The following GRIA1 variants were observed in gnomAD, a reference collection of about 807,000 sequenced individuals.
The protein encoded by GRIA1 is glutamate ionotropic receptor AMPA type subunit 1.
GRIA1 carries 31 observed loss-of-function variants against 99.2 expected under a neutral mutation model. The ratio of observed to expected loss-of-function variants is 0.31; its 90% confidence interval spans 0.23 to 0.42. The LOEUF (loss-of-function observed/expected upper bound fraction) is 0.42. Among genes scored for constraint, GRIA1 ranks in the 10% least tolerant of loss-of-function variants. The pLI, the probability that GRIA1 is intolerant of heterozygous loss-of-function variation, is 1.00. For synonymous variants in GRIA1, 438 were observed against 432.4 expected (o/e 1.01, Z -0.16); for missense variants, 782 against 1,157.5 (o/e 0.68, Z 4.71).
chr5:153,711,375 G>A (rs1270094289), intron 11 of GRIA1, among the ~76,000 whole-genome samples: 1 of 152,270 alleles, frequency 6.6e-6, no homozygotes, highest in African/African-American at 2.4e-5. Context: ...CATCGACATG[G>A]ATTTATGGTT....
At chr5:153,555,081 T>G (rs1293724302) in intron 2 of GRIA1, among the ~76,000 whole-genome samples, 5 of 152,142 alleles carry the variant, frequency 3.3e-5, no homozygotes, top group African/African-American at 1.2e-4. Context: ...GTAGGCATTT[T>G]CTTAGCATAC....
intron 5 of GRIA1, among the ~76,000 whole-genome samples, chr5:153,662,790 C>T (rs1280308509): frequency 6.6e-6 from 1 of 152,110 alleles, no homozygotes. Context: ...CACAATGTGC[C>T]CATATGCCTC....
intron 11 of GRIA1, among the ~76,000 whole-genome samples, chr5:153,740,966 C>CTTTTTTTTTTT (rs10601141): frequency 1.3e-5 from 1 of 76,782 alleles, no homozygotes; most frequent in Admixed American, 1.9e-4. Context: ...AAGAAATTGG[C>CTTTTTTTTTTT]TTTTTTTTTT....
chr5:153,504,388 TTTA>T (rs1291286244), intron 2 of GRIA1, among the ~76,000 whole-genome samples: 1 of 151,782 alleles, frequency 6.6e-6, no homozygotes, highest in Non-Finnish European at 1.5e-5. Flanking sequence ...TGTAAATGTA[TTTA>T]TTGTCTATTT....
intron 2 of GRIA1, among the ~76,000 whole-genome samples, chr5:153,553,242 A>G (rs17518292): frequency 0.05 from 7,646 of 152,322 alleles, 266 homozygotes; most frequent in Non-Finnish European, 0.076. Flanking sequence ...TTCCCATTTT[A>G]TGATGGTAGA....
At chr5:153,599,988 G>A (rs1337211504) in intron 2 of GRIA1, among the ~76,000 whole-genome samples, 1 of 152,104 alleles carries the variant, frequency 6.6e-6, no homozygotes, top group Non-Finnish European at 1.5e-5. Flanking sequence ...GCAGGGAGAT[G>A]AAGCCCGCTA....
intron 12 of GRIA1, among the ~76,000 whole-genome samples, chr5:153,767,248 G>T (rs929304230): frequency 6.6e-6 from 1 of 152,160 alleles, no homozygotes; most frequent in African/African-American, 2.4e-5. Flanking sequence ...AATCTCCACG[G>T]CAACACTGTG....
At chr5:153,770,092 T>C (rs1232276016) in intron 12 of GRIA1, 76 bp from the exon 13 acceptor site, 2 of 1,445,822 alleles carry the variant, frequency 1.4e-6, no homozygotes, top group Non-Finnish European at 1.9e-6. Context: ...CAAGCTACAC[T>C]CAGCTCTTCA....
intron 11 of GRIA1, among the ~76,000 whole-genome samples, chr5:153,721,721 T>C (rs1760084590): frequency 6.6e-6 from 1 of 152,236 alleles, no homozygotes; most frequent in African/African-American, 2.4e-5. Context: ...TATTTTATAG[T>C]ATTCCATTTT....
intron 2 of GRIA1, among the ~76,000 whole-genome samples, chr5:153,511,053 T>C (rs1333141057): frequency 1.3e-5 from 2 of 152,182 alleles, no homozygotes; most frequent in Non-Finnish European, 2.9e-5. Context: ...GTCTTGTTAA[T>C]TTCTAAAAAA....
chr5:153,752,756 T>C (rs938913204), intron 11 of GRIA1, among the ~76,000 whole-genome samples: 2 of 152,160 alleles, frequency 1.3e-5, no homozygotes, highest in African/African-American at 4.8e-5. Context: ...TGTCTCCTGG[T>C]TCTTCAACCA....
intron 11 of GRIA1, 161 bp downstream of exon 11, chr5:153,706,228 G>A: frequency 1.4e-6 from 1 of 703,856 alleles, no homozygotes; most frequent in Non-Finnish European, 2.4e-6. Context: ...ATTGCACGCT[G>A]TGGATTATCT....
intron 15 of GRIA1, among the ~76,000 whole-genome samples, chr5:153,808,257 A>G (rs866993928): frequency 6.6e-6 from 1 of 152,078 alleles, no homozygotes; most frequent in Non-Finnish European, 1.5e-5. Flanking sequence ...TCAGTTCCAA[A>G]AACACCACCA....
rs1428113373 is a variant in GRIA1, at chr5:153,653,355, G to A, written c.646-2464G>A. 4.6e-5 allele frequency among the ~76,000 whole-genome samples: 7 copies of A among 152,314 alleles called. No homozygotes were observed. The East Asian group carries it at 7.7e-4, about 17-fold the overall frequency. Reference sequence around the variant, plus strand: ...TTCATACTGCAGTTTTGCAGGCTGAGTGATGGATGCTGAGCGTCCACTGGA... The same window carrying A: ...TTCATACTGCAGTTTTGCAGGCTGAATGATGGATGCTGAGCGTCCACTGGA... On this transcript the variant is annotated intron_variant, in intron 4 of 15. Coordinates refer to ENST00000285900, the MANE Select transcript of GRIA1 (RefSeq NM_000827.4).
chr5:153,628,749 T>C (rs1276110031), intron 2 of GRIA1, among the ~76,000 whole-genome samples: 2 of 152,252 alleles, frequency 1.3e-5, no homozygotes, highest in Non-Finnish European at 2.9e-5. Context: ...GGGTTTTTTT[T>C]CTATACAATA....
intron 8 of GRIA1, among the ~76,000 whole-genome samples, chr5:153,694,578 C>A (rs565690659): frequency 1.3e-5 from 2 of 152,306 alleles, no homozygotes; most frequent in East Asian, 3.9e-4. Flanking sequence ...GTTCTCATAG[C>A]AGCCCATGAG....
chr5:153,541,002 C>T lies in GRIA1; in HGVS notation c.220+46937C>T, dbSNP rs184059871. Among the ~76,000 whole-genome samples the T allele has an allele frequency of 9.8e-4, 149 of 152,260 alleles. 1 individual carries two copies. The highest frequency in any genetic ancestry group is 8.3e-3 in the East Asian group (43 of 5,176). On this transcript the variant is annotated intron_variant, in intron 2 of 15. Coordinates refer to ENST00000285900, the MANE Select transcript of GRIA1 (RefSeq NM_000827.4). ...GGCAGTACCCAAAACCTGCAGGACC[C>T]GGGAGGTCACAATTCCCATTTCCAG...
intron 11 of GRIA1, among the ~76,000 whole-genome samples, chr5:153,737,664 G>A (rs1041250257): frequency 1.3e-5 from 2 of 152,112 alleles, no homozygotes; most frequent in Non-Finnish European, 2.9e-5. Flanking sequence ...AGAATTTTAA[G>A]CCCTTTCATT....
intron 2 of GRIA1, among the ~76,000 whole-genome samples, chr5:153,573,964 G>T (rs1762328425): frequency 1.3e-5 from 2 of 152,150 alleles, no homozygotes; most frequent in African/African-American, 2.4e-5. Context: ...CTGGCAAGGG[G>T]CCTAAAACTC....
Sources: allele counts gnomAD v4.1 joint callset (sites outside exome capture counted in the v4.1 genomes callset), GRCh38; gene constraint gnomAD v4.1.1; transcripts MANE v1.5; gene names NCBI Gene and HGNC (gene_info 2026-07-23, HGNC 2026-07-21).